KIAA1217: variants seen among roughly 807,000 people sequenced by gnomAD.
The protein encoded by KIAA1217 is KIAA1217, also known as sickle tail protein homolog.
A neutral mutation model predicts 163.9 loss-of-function variants in KIAA1217; 88 were observed. The ratio of observed to expected loss-of-function variants is 0.54; its 90% CI spans 0.45 to 0.64. KIAA1217 has a LOEUF of 0.64. Ranked by LOEUF, KIAA1217 falls within the 30% of genes least tolerant of loss-of-function variation. The pLI, the probability that KIAA1217 is intolerant of heterozygous loss-of-function variation, is 0.00. For synonymous variants in KIAA1217, 903 were observed against 923.1 expected (o/e 0.98, Z 0.39); for missense variants, 2,372 against 2,475.0 (o/e 0.96, Z 0.88).
chr10:24,524,213 AGCTTTGGGATGTGTGACTCTCACCTG>A, intron 12 of KIAA1217, 84 bp from the exon 13 acceptor site: 1 of 1,147,816 alleles, frequency 8.7e-7, no homozygotes, highest in Admixed American at 2.0e-5. Flanking sequence ...GGCTACTCTG[AGCTTTGGGATGTGTGACTCTCACCTG>A]GCTTTGGGAT....
chr10:23,846,834 C>T (rs187030074), intron 1 of KIAA1217, among the ~76,000 whole-genome samples: 18 of 152,060 alleles, frequency 1.2e-4, no homozygotes, highest in Admixed American at 8.5e-4. Flanking sequence ...GGAATGCTTC[C>T]GGTTTTTGCC....
chr10:24,513,290 T>G lies in KIAA1217; in HGVS notation c.2033T>G (p.Met678Arg). 1 of 1,614,110 alleles carries G rather than the reference T, an allele frequency of 6.2e-7. No homozygotes were observed. The highest frequency in any genetic ancestry group is 8.5e-7 in the Non-Finnish European group (1 of 1,180,020). ...AACCAGGAGTTGCTGAGGGCAATGATGAAGAAGGCCGAGCTGGAAATCAGT... is the reference window on the plus strand; with the variant it reads ...AACCAGGAGTTGCTGAGGGCAATGAGGAAGAAGGCCGAGCTGGAAATCAGT... ...LQNQELLRAM[M>R]KKAELEISGK... is the part of the protein sequence containing the mutation. The change falls in exon 10 of 21, where the codon ATG becomes AGG. Residue 678 changes from methionine (M) to arginine (R), a missense_variant. Physicochemically the swap from Met to Arg is moderately conservative, Grantham distance 91. Around this residue, in one of 3 missense-constraint regions of KIAA1217, gnomAD observed 1,431 missense variants for 1,470.3 expected, o/e 0.97. Coordinates refer to ENST00000376454, the MANE Select transcript of KIAA1217 (RefSeq NM_019590.5).
At chr10:24,062,827 C>T (rs184130983) in intron 2 of KIAA1217, among the ~76,000 whole-genome samples, 1 of 152,278 alleles carries the variant, frequency 6.6e-6, no homozygotes, top group East Asian at 1.9e-4. Flanking sequence ...TAATGATCAC[C>T]ATTCTAATTG....
chr10:24,324,114 T>C (rs1344391036), intron 2 of KIAA1217, among the ~76,000 whole-genome samples: 1 of 144,452 alleles, frequency 6.9e-6, no homozygotes, highest in Non-Finnish European at 1.5e-5. Flanking sequence ...AAAAAAAAAT[T>C]TAAATTAGCT....
intron 2 of KIAA1217, among the ~76,000 whole-genome samples, chr10:24,177,367 A>G (rs907595396): frequency 6.9e-6 from 1 of 145,362 alleles, no homozygotes; most frequent in Non-Finnish European, 1.5e-5. Flanking sequence ...ATGTGTATAT[A>G]TATATATATA....
intron 1 of KIAA1217, among the ~76,000 whole-genome samples, chr10:23,737,871 G>T (rs995783096): frequency 6.6e-6 from 1 of 151,668 alleles, no homozygotes; most frequent in African/African-American, 2.4e-5. Flanking sequence ...TTAATCTCTT[G>T]GTGGTCTGGA....
intron 6 of KIAA1217, among the ~76,000 whole-genome samples, chr10:24,487,220 G>A (rs935333733): frequency 9.9e-5 from 15 of 152,026 alleles, no homozygotes; most frequent in African/African-American, 2.4e-4. Context: ...CTATTGCTCC[G>A]TCTCCACCAT....
intron 2 of KIAA1217, among the ~76,000 whole-genome samples, chr10:24,182,188 C>T (rs1240065470): frequency 6.6e-6 from 1 of 152,172 alleles, no homozygotes; most frequent in Non-Finnish European, 1.5e-5. Flanking sequence ...GTAATCCCAG[C>T]ACTTTGGGAG....
intron 2 of KIAA1217, among the ~76,000 whole-genome samples, chr10:24,020,901 T>G (rs558069953): frequency 6.6e-6 from 1 of 152,142 alleles, no homozygotes; most frequent in South Asian, 2.1e-4. Context: ...CTGTATTTTA[T>G]GATCTAACAT....
chr10:24,501,649 A>G (rs1176877001), intron 9 of KIAA1217, 104 bp downstream of exon 9: 1 of 1,021,012 alleles, frequency 9.8e-7, no homozygotes, highest in Non-Finnish European at 1.4e-6. Flanking sequence ...GAACCATAGA[A>G]ACAGCATGGC....
chr10:24,300,849 G>C (rs1379912635), intron 2 of KIAA1217, among the ~76,000 whole-genome samples: 1 of 151,876 alleles, frequency 6.6e-6, no homozygotes, highest in Non-Finnish European at 1.5e-5. Flanking sequence ...GTCTCACTCT[G>C]TTGCCCAGGC....
At position 23,803,573 on chromosome 10, in the gene KIAA1217, A is replaced by T. The variant is rs1836582035; in HGVS notation, c.-321+108339A>T. On this transcript the variant is annotated intron_variant, in intron 1 of 18. Transcript: ENST00000376462. ...TCCTGCTGTCCTCATGCCCCATAGG[A>T]GTCCTGCTCCCAAGGCACTCCCCAG... Among the ~76,000 whole-genome samples, 3 of 152,144 alleles carry T rather than the reference A, an allele frequency of 2.0e-5. No homozygotes were observed. The South Asian group carries it at 6.2e-4, about 32-fold the overall frequency.
chr10:24,238,017 A>G (rs950729751), intron 2 of KIAA1217, among the ~76,000 whole-genome samples: 7 of 152,136 alleles, frequency 4.6e-5, no homozygotes, highest in African/African-American at 1.7e-4. Context: ...TGCTCTCTGT[A>G]AATACCTGGG....
intron 1 of KIAA1217, among the ~76,000 whole-genome samples, chr10:23,929,296 A>T (rs1843154007): frequency 6.6e-6 from 1 of 152,162 alleles, no homozygotes; most frequent in African/African-American, 2.4e-5. Context: ...AACTCACTGA[A>T]ATAATGGATT....
intron 2 of KIAA1217, among the ~76,000 whole-genome samples, chr10:24,141,471 G>A (rs546878277): frequency 4.6e-5 from 7 of 152,242 alleles, no homozygotes; most frequent in South Asian, 2.1e-4. Context: ...CTCAGGGAAC[G>A]AAAAAGGACT....
rs147004199 is a variant in KIAA1217, at chr10:23,732,519, T to TA, written c.-321+37287dup. ...TATACAGGAGGATGTGTGCTATTAGTAATTTGTGTTCTCTCTCTTTTTTCT... is the reference window on the plus strand; with the variant it reads ...TATACAGGAGGATGTGTGCTATTAGTAAATTTGTGTTCTCTCTCTTTTTTCT... On this transcript the variant is annotated intron_variant, in intron 1 of 18. Transcript: ENST00000376462. Among the ~76,000 whole-genome samples the TA allele has an allele frequency of 7.1e-3, 1,077 of 152,292 alleles. 19 individuals are homozygous for TA. Among genetic ancestry groups the TA allele is most frequent in the African/African-American group, 0.025 (1,032 of 41,584 alleles).
At chr10:24,312,128 AC>A (rs2042777772) in intron 2 of KIAA1217, among the ~76,000 whole-genome samples, 1 of 152,094 alleles carries the variant, frequency 6.6e-6, no homozygotes, top group Non-Finnish European at 1.5e-5. Flanking sequence ...TGCCACTCAC[AC>A]CCGAGATGCC....
intron 1 of KIAA1217, among the ~76,000 whole-genome samples, chr10:23,774,092 G>C (rs1834910655): frequency 6.6e-6 from 1 of 152,056 alleles, no homozygotes; most frequent in Admixed American, 6.5e-5. Context: ...TATTGGCTGT[G>C]GGTTTGTCAT....
intron 11 of KIAA1217, 111 bp downstream of exon 11, chr10:24,520,364 A>T: frequency 7.0e-7 from 1 of 1,437,496 alleles, no homozygotes; most frequent in African/African-American, 1.4e-5. Flanking sequence ...TTAAACGTCT[A>T]CATGTGCCAG....
Sources: gnomAD v4.1 joint callset for allele counts (sites outside exome capture counted in the v4.1 genomes callset) on GRCh38, gnomAD v4.1.1 for gene constraint, gnomAD v4.1.1 regional missense constraint, MANE v1.5 for transcripts, NCBI Gene and HGNC (gene_info 2026-07-23, HGNC 2026-07-21) for gene names.